EML6: variants seen among roughly 807,000 people sequenced by gnomAD.
EML6 encodes EMAP like 6.
A neutral mutation model predicts 240.1 loss-of-function variants in EML6; 154 were observed. The observed-to-expected ratio is 0.64, with a 90% CI of 0.56 to 0.73. The LOEUF (loss-of-function observed/expected upper bound fraction) is 0.73, where lower values mean the gene tolerates loss of function less well. EML6 is among the 30% of genes least tolerant of loss of function. EML6 has a pLI of 0.00. For synonymous variants in EML6, 1,148 were observed against 899.0 expected (o/e 1.28, Z -4.95); for missense variants, 2,964 against 2,474.6 (o/e 1.20, Z -4.20).
intron 32 of EML6, among the ~76,000 whole-genome samples, chr2:54,954,678 G>A (rs1213607236): frequency 1.3e-5 from 2 of 152,122 alleles, no homozygotes; most frequent in African/African-American, 4.8e-5. Context: ...TACTGTAACA[G>A]GATTTCTTTC....
intron 2 of EML6, among the ~76,000 whole-genome samples, chr2:54,790,937 G>T (rs1669411808): frequency 6.6e-6 from 1 of 151,906 alleles, no homozygotes; most frequent in Non-Finnish European, 1.5e-5. Flanking sequence ...ATGTTAGCCA[G>T]GATGGTCTCG....
At chr2:54,764,184 G>A (rs1180987962) in intron 2 of EML6, among the ~76,000 whole-genome samples, 1 of 152,150 alleles carries the variant, frequency 6.6e-6, no homozygotes, top group African/African-American at 2.4e-5. Context: ...TATAGACAGC[G>A]GCCATTTATG....
At chr2:54,917,013 A>G (rs1673952513) in intron 26 of EML6, 78 bp downstream of exon 26, 3 of 1,175,542 alleles carry the variant, frequency 2.6e-6, no homozygotes, top group Non-Finnish European at 2.4e-6. Flanking sequence ...TGCATTTTTA[A>G]AAATTTGAAG....
intron 2 of EML6, among the ~76,000 whole-genome samples, chr2:54,744,209 A>G (rs1293129036): frequency 2.6e-5 from 4 of 152,144 alleles, no homozygotes; most frequent in Non-Finnish European, 4.4e-5. Context: ...CTTCTGAGCT[A>G]AAGAGATTGC....
intron 17 of EML6, among the ~76,000 whole-genome samples, chr2:54,889,814 G>C (rs1387999238): frequency 6.6e-6 from 1 of 152,186 alleles, no homozygotes; most frequent in Non-Finnish European, 1.5e-5. Flanking sequence ...TTAAATGGTA[G>C]TGGTAATTAT....
At chr2:54,936,153 T>C (rs1675123630) in intron 28 of EML6, among the ~76,000 whole-genome samples, 1 of 152,266 alleles carries the variant, frequency 6.6e-6, no homozygotes, top group Non-Finnish European at 1.5e-5. Flanking sequence ...TGCCAATGTC[T>C]ACATTTTTTG....
Position 54,838,793 on chromosome 2 carries a change from A to G in EML6, c.848-5254A>G, listed in dbSNP as rs537811654. ...CCCAAGCTCCACGTTTCTCATCACA[A>G]GTGGCACAGGGTATGGTGTCCAAAT... On this transcript the variant is annotated intron_variant, in intron 7 of 41. Coordinates refer to ENST00000356458, the MANE Select transcript of EML6 (RefSeq NM_001039753.4). Among the ~76,000 whole-genome samples, 17 of 152,284 alleles carry G rather than the reference A, an allele frequency of 1.1e-4. No individual in the cohort carries two copies. The East Asian group carries it at 3.3e-3, about 29-fold the overall frequency.
chr2:54,890,687 G>A (rs1672419502), intron 17 of EML6, among the ~76,000 whole-genome samples: 1 of 152,108 alleles, frequency 6.6e-6, no homozygotes, highest in Non-Finnish European at 1.5e-5. Flanking sequence ...CACAAGAGGA[G>A]GAAAAGAGAA....
At chr2:54,730,132 G>T (rs914576718) in intron 2 of EML6, among the ~76,000 whole-genome samples, 9 of 150,934 alleles carry the variant, frequency 6.0e-5, no homozygotes, top group Non-Finnish European at 8.8e-5. Flanking sequence ...GTGAGGCCCT[G>T]TCTCAAGAAA....
intron 28 of EML6, among the ~76,000 whole-genome samples, chr2:54,930,184 G>A (rs1443882082): frequency 6.6e-6 from 1 of 152,090 alleles, no homozygotes; most frequent in Non-Finnish European, 1.5e-5. Context: ...GGGTGTTTCT[G>A]GCTGATTTCT....
chr2:54,961,105 A>G (rs185393466), intron 35 of EML6, among the ~76,000 whole-genome samples: 1 of 151,062 alleles, frequency 6.6e-6, no homozygotes, highest in East Asian at 1.9e-4. Flanking sequence ...TTAAATAGCT[A>G]AGTGATGCCC....
chr2:54,773,066 G>GA (rs1251771012), intron 2 of EML6, among the ~76,000 whole-genome samples: 3 of 152,232 alleles, frequency 2.0e-5, no homozygotes, highest in African/African-American at 7.2e-5. Flanking sequence ...AGTTGCTAAA[G>GA]AGAGTGGTAA....
chr2:54,918,976 AT>A (rs907634521), intron 26 of EML6, among the ~76,000 whole-genome samples: 5 of 152,118 alleles, frequency 3.3e-5, no homozygotes, highest in Non-Finnish European at 7.3e-5. Flanking sequence ...ATGAATCAAT[AT>A]TTTCCGGAGC....
At chr2:54,958,882 C>T (rs1306842373) in intron 33 of EML6, among the ~76,000 whole-genome samples, 1 of 151,964 alleles carries the variant, frequency 6.6e-6, no homozygotes, top group Non-Finnish European at 1.5e-5. Context: ...AAGTCAGATG[C>T]CCAAGCCAGT....
intron 7 of EML6, among the ~76,000 whole-genome samples, chr2:54,829,932 T>A (rs1022686997): frequency 1.3e-5 from 2 of 152,188 alleles, no homozygotes; most frequent in African/African-American, 4.8e-5. Context: ...TTTTTACCTA[T>A]GAGAGAGTTA....
chr2:54,937,045 G>A (rs941356405), intron 28 of EML6, among the ~76,000 whole-genome samples: 7 of 151,022 alleles, frequency 4.6e-5, no homozygotes, highest in African/African-American at 1.7e-4. Flanking sequence ...TGTGGGAGGC[G>A]GAGGAGGGTG....
At chr2:54,813,451 A>G in intron 3 of EML6, 60 bp downstream of exon 3, 1 of 1,343,820 alleles carries the variant, frequency 7.4e-7, no homozygotes, top group Non-Finnish European at 1.0e-6. Context: ...TTAAAACTAT[A>G]ATAGGAATAG....
intron 26 of EML6, among the ~76,000 whole-genome samples, chr2:54,918,458 T>A (rs886094502): frequency 1.3e-5 from 2 of 152,082 alleles, no homozygotes; most frequent in African/African-American, 4.8e-5. Flanking sequence ...AAGCAATCAA[T>A]CCACCTCAGC....
At chr2:54,807,315 C>T (rs1670550075) in intron 2 of EML6, among the ~76,000 whole-genome samples, 1 of 152,154 alleles carries the variant, frequency 6.6e-6, no homozygotes, top group Admixed American at 6.5e-5. Flanking sequence ...AAGCTATCAG[C>T]CAACATTTGT....
Sources: gnomAD v4.1 joint callset for allele counts (sites outside exome capture counted in the v4.1 genomes callset) on GRCh38, gnomAD v4.1.1 for gene constraint, MANE v1.5 for transcripts, NCBI Gene and HGNC (gene_info 2026-07-23, HGNC 2026-07-21) for gene names.